The following ARSG variants were observed in gnomAD, a reference collection of about 807,000 sequenced individuals.
The protein encoded by ARSG is ASG.
ARSG carries 37 observed loss-of-function variants against 50.5 expected under a neutral mutation model. The observed-to-expected ratio is 0.73, with a 90% CI of 0.56 to 0.96. The LOEUF (loss-of-function observed/expected upper bound fraction) is 0.96, where lower values mean the gene tolerates loss of function less well. ARSG is among the 50% of genes least tolerant of loss of function. ARSG has a pLI of 0.00. For missense variants in ARSG, 629 were observed against 675.3 expected, an observed-to-expected ratio of 0.93 and a Z score of 0.76; for synonymous variants, 225 against 254.6, an observed-to-expected ratio of 0.88 and a Z score of 1.11.
At chr17:68,369,961 C>T (rs1041166163) in intron 7 of ARSG, among the ~76,000 whole-genome samples, 1 of 152,156 alleles carries the variant, frequency 6.6e-6, no homozygotes, top group African/African-American at 2.4e-5. Context: ...AGAGACACAT[C>T]TCATATCAAG....
At chr17:68,362,873 G>A (rs531739310) in intron 6 of ARSG, among the ~76,000 whole-genome samples, 110 of 152,154 alleles carry the variant, frequency 7.2e-4, no homozygotes, top group South Asian at 5.2e-3. Flanking sequence ...CCAAGAGGGT[G>A]GAAATCATAT....
Position 68,327,726 on chromosome 17 carries a change from G to T in ARSG, c.219-15878G>T, listed in dbSNP as rs1018243441. The stretch of plus-strand genomic sequence containing the variant: ...GCTCAGGACTTCAACATATCTTTTG[G>T]GGGGACGCAGCCCAACCCACAGCAA... On this transcript the variant is annotated intron_variant, in intron 2 of 11. Coordinates refer to ENST00000621439, the MANE Select transcript of ARSG (RefSeq NM_001267727.2). 3.9e-5 allele frequency among the ~76,000 whole-genome samples: 6 copies of T among 152,210 alleles called. 1 individual carries two copies. The South Asian group carries it at 1.2e-3, about 32-fold the overall frequency.
At chr17:68,403,539 T>G (rs1226921690) in intron 11 of ARSG, among the ~76,000 whole-genome samples, 1 of 152,224 alleles carries the variant, frequency 6.6e-6, no homozygotes, top group African/African-American at 2.4e-5. Context: ...TACTTACAAC[T>G]GCTTTTGGAT....
intron 6 of ARSG, among the ~76,000 whole-genome samples, chr17:68,360,195 A>G (rs559023219): frequency 2.0e-5 from 3 of 152,366 alleles, no homozygotes; most frequent in Admixed American, 6.5e-5. Context: ...TTAATTCATT[A>G]GCTGGTTATT....
At chr17:68,259,282 C>A (rs1273211318) in exon 1 of ARSG, 2 of 152,296 alleles carry the variant, frequency 1.3e-5, no homozygotes, top group South Asian at 4.1e-4. Context: ...AGTGTGGGAT[C>A]GGTCGCTTGG....
intron 1 of ARSG, among the ~76,000 whole-genome samples, chr17:68,260,196 C>T (rs1555744958): frequency 6.6e-6 from 1 of 152,164 alleles, no homozygotes; most frequent in Non-Finnish European, 1.5e-5. Flanking sequence ...AGGACACAAG[C>T]CTGCAGCAGC....
chr17:68,343,834 C>T, intron 3 of ARSG, 43 bp downstream of exon 3: 2 of 1,559,204 alleles, frequency 1.3e-6, no homozygotes, highest in Non-Finnish European at 8.7e-7. Flanking sequence ...ACTGCAGTGG[C>T]AGCCGCCTTG....
chr17:68,268,340 C>A (rs1166810580), intron 1 of ARSG: 1 of 152,216 alleles, frequency 6.6e-6, no homozygotes, highest in Non-Finnish European at 1.5e-5. Flanking sequence ...TTTTTAAATG[C>A]CATTTTGTAT....
chr17:68,429,396 G>A, the ARSG span, among the ~76,000 whole-genome samples: 1 of 152,132 alleles, frequency 6.6e-6, no homozygotes, highest in Admixed American at 6.6e-5. Context: ...CCCCATAGGA[G>A]TCCGAACCTA....
At position 68,379,421 on chromosome 17, in the gene ARSG, A is replaced by ATTTTTTTTTTTTT. The variant is rs375841879; in HGVS notation, c.983-5626_983-5614dup. The stretch of plus-strand genomic sequence containing the variant: ...GTGCCACCATGCCTGGAACACTACA[A>ATTTTTTTTTTTTT]TTTTTTTTTTTTTTTTTTTTTTTTT... On this transcript the variant is annotated intron_variant, in intron 8 of 11. Transcript: ENST00000621439. Among the ~76,000 whole-genome samples, 16 of 72,268 alleles carry ATTTTTTTTTTTTT rather than the reference A, an allele frequency of 2.2e-4. 2 individuals carry two copies. Among genetic ancestry groups the ATTTTTTTTTTTTT allele is most frequent in the African/African-American group, 9.5e-4 (15 of 15,828 alleles). The allele number at this position is 72,268 out of a possible 152,430, so 47.4% of individuals were successfully genotyped here.
At chr17:68,315,374 T>G (rs2077029983) in intron 2 of ARSG, among the ~76,000 whole-genome samples, 1 of 151,992 alleles carries the variant, frequency 6.6e-6, no homozygotes, top group South Asian at 2.1e-4. Flanking sequence ...AGACTTCATC[T>G]CTACAAAAAA....
Position 68,399,338 on chromosome 17 carries a change from T to C in ARSG, c.1213-2022T>C, listed in dbSNP as rs774349512. Among the ~76,000 whole-genome samples the C allele has an allele frequency of 1.3e-5, 2 of 152,134 alleles. No homozygotes were observed. Among genetic ancestry groups the C allele is most frequent in the Non-Finnish European group, 2.9e-5 (2 of 68,026 alleles). ...ACCTGAATGGAGAAGAAGCCCACCTTCAGGGGATGCTATATCAGCACCCTG... is the reference window on the plus strand; with the variant it reads ...ACCTGAATGGAGAAGAAGCCCACCTCCAGGGGATGCTATATCAGCACCCTG... On this transcript the variant is annotated intron_variant, in intron 10 of 11. Transcript: ENST00000621439. The surrounding 1 kb of genome is among the most constrained non-coding windows in gnomAD (Gnocchi z 4.6).
At chr17:68,394,022 A>G (rs946322059) in intron 9 of ARSG, among the ~76,000 whole-genome samples, 4 of 151,966 alleles carry the variant, frequency 2.6e-5, no homozygotes, top group Admixed American at 6.6e-5. Flanking sequence ...CAAACCGGCC[A>G]TTGTTCACAT....
chr17:68,272,406 A>G (rs1398293916), intron 1 of ARSG, among the ~76,000 whole-genome samples: 1 of 152,212 alleles, frequency 6.6e-6, no homozygotes, highest in Non-Finnish European at 1.5e-5. Flanking sequence ...AAGCCCTACC[A>G]CTGCATATGT....
At chr17:68,430,123 C>A in the ARSG span, 1 of 1,614,034 alleles carries the variant, frequency 6.2e-7, no homozygotes, top group Non-Finnish European at 8.5e-7. Flanking sequence ...AACATCTTTC[C>A]CATGTAGCCA....
intron 1 of ARSG, among the ~76,000 whole-genome samples, chr17:68,262,741 A>G (rs2075093731): frequency 6.6e-6 from 1 of 152,196 alleles, no homozygotes; most frequent in Non-Finnish European, 1.5e-5. Flanking sequence ...CAGTTGGCAG[A>G]AGCAGTCAGC....
chr17:68,284,934 C>T (rs1247301874), intron 1 of ARSG, among the ~76,000 whole-genome samples: 1 of 152,172 alleles, frequency 6.6e-6, no homozygotes, highest in African/African-American at 2.4e-5. Context: ...CCCATGTCCC[C>T]GGACCCTGCC....
At chr17:68,384,733 A>G (rs2080614476) in intron 8 of ARSG, among the ~76,000 whole-genome samples, 1 of 152,186 alleles carries the variant, frequency 6.6e-6, no homozygotes, top group South Asian at 2.1e-4. Flanking sequence ...TAGGTGCATG[A>G]GACTGATGAA....
rs1283991927 is a variant in ARSG at position 68,271,877 on chromosome 17, A to C, written c.-552+12451A>C. Among the ~76,000 whole-genome samples the C allele has an allele frequency of 6.6e-6, 1 of 152,168 alleles. No homozygotes were observed. Among genetic ancestry groups the C allele is most frequent in the Non-Finnish European group, 1.5e-5 (1 of 68,034 alleles). ...GAGTGCAGTGGCCTGATCTCAGCTC[A>C]CCGCAACCTCCACCTCCCGGGTTCA... is the stretch of plus-strand genomic sequence containing the variant. On this transcript the variant is annotated intron_variant, in intron 1 of 11. Transcript: ENST00000448504. The surrounding 1 kb of genome is among the most constrained non-coding windows in gnomAD (Gnocchi z 5.3).
Sources: allele counts gnomAD v4.1 joint callset (sites outside exome capture counted in the v4.1 genomes callset), GRCh38; gene constraint gnomAD v4.1.1; non-coding constraint Gnocchi (gnomAD v3.1); transcripts MANE v1.5; gene names NCBI Gene and HGNC (gene_info 2026-07-23, HGNC 2026-07-21).